The following PEX1 variants were observed in gnomAD, a reference collection of about 807,000 sequenced individuals.
PEX1 encodes the protein peroxisomal biogenesis factor 1, also known as peroxisomal ATPase PEX1.
In PEX1, 97 loss-of-function variants were observed where a neutral mutation model predicts 152.5. That is an observed-to-expected ratio of 0.64 (90% CI 0.54 to 0.75). PEX1 has a LOEUF of 0.75. PEX1 is among the 30% of genes least tolerant of loss of function. The pLI is 0.00. For missense variants in PEX1, 1,357 were observed against 1,516.3 expected (o/e 0.89, Z 1.74); for synonymous variants, 485 against 531.6 (o/e 0.91, Z 1.21).
chr7:92,516,035 AGAGAAGAGAAGAGAAGAGAAAAAAG>A (rs1792731483), intron 5 of PEX1, among the ~76,000 whole-genome samples: 3 of 108,232 alleles, frequency 2.8e-5, no homozygotes, highest in South Asian at 3.5e-4. Flanking sequence ...AGAGAAGAGA[AGAGAAGAGAAGAGAAGAGAAAAAAG>A]AAAAGAAAAG....
intron 5 of PEX1, among the ~76,000 whole-genome samples, chr7:92,516,055 A>AGAGAAGAGAAAAAAGAAAAGAAAAG (rs1321793051): frequency 1.9e-4 from 16 of 85,786 alleles, no homozygotes; most frequent in African/African-American, 3.6e-4. Context: ...AGAGAAGAGA[A>AGAGAAGAGAAAAAAGAAAAGAAAAG]AAAAGAAAAG....
chr7:92,518,049 A>G lies in PEX1; in HGVS notation c.473-7T>C, dbSNP rs1792881897. 1.2e-6 allele frequency: 2 copies of G among 1,614,168 alleles called. No homozygotes were observed. The highest frequency in any genetic ancestry group is 1.7e-6 in the Non-Finnish European group (2 of 1,179,988). On this transcript the variant is annotated splice_polypyrimidine_tract_variant and splice_region_variant and intron_variant, in intron 4 of 23. Coordinates refer to ENST00000248633, the MANE Select transcript of PEX1 (RefSeq NM_000466.3). ...GCAGCTGGTATTAGTGCAACTGTGT[A>G]GAAAATAAAGCTCATTAGTGCACAT... is the stretch of plus-strand genomic sequence containing the variant.
intron 6 of PEX1, 99 bp from the exon 7 acceptor site, chr7:92,511,802 G>A: frequency 1.8e-6 from 2 of 1,115,744 alleles, no homozygotes; most frequent in Admixed American, 2.0e-5. Context: ...GTGTAAGCCT[G>A]ACCAAACAAA....
Position 92,522,113 on chromosome 7 carries a change from T to G in PEX1, c.262A>C (p.Asn88His), listed in dbSNP as rs1793075389. Residue 88 changes from asparagine (N) to histidine (H), a missense_variant, in exon 2 of 24, where the codon AAT (asparagine) becomes CAT (histidine). By Grantham distance (68) the Asn-to-His change is moderately conservative. Coordinates refer to ENST00000248633, the MANE Select transcript of PEX1 (RefSeq NM_000466.3). ...RQVGQKLGLS[N>H]GGQVFLKPCS... is the part of the protein sequence containing the mutation. ...TCACATGTGCTTACCTGTCCCCCAT[T>G]TGAGAGTCCAAGTTTTTGACCAACT... The G allele has an allele frequency of 6.2e-7, 1 of 1,613,942 alleles. No individual in the cohort carries two copies. Among genetic ancestry groups the G allele is most frequent in the Non-Finnish European group, 8.5e-7 (1 of 1,179,972 alleles).
rs1792339585 is a variant in PEX1, at chr7:92,509,238, T to A, written c.1670+91A>T. ...GCATTATTAAGATCACTTATTGACA[T>A]TAACATCTACTTTAATATTTACATT... On this transcript the variant is annotated intron_variant, in intron 9 of 23. Coordinates refer to ENST00000248633, the MANE Select transcript of PEX1 (RefSeq NM_000466.3). The A allele has an allele frequency of 7.0e-6, 6 of 853,572 alleles. No homozygotes were observed. In the South Asian group the frequency reaches 8.2e-5, roughly 12 times the overall value. 52.9% of individuals were successfully genotyped at this position (853,572 alleles called of 1,614,324 possible).
rs1434224447 is a variant in PEX1, at chr7:92,518,216, G to T, written c.397C>A (p.Gln133Lys). The change falls in exon 4 of 24, where the codon CAA (glutamine) becomes AAA (lysine). Residue 133 changes from glutamine to lysine, a missense_variant. Transcript: ENST00000248633. ...GCTTTTGGAAAAACTATTCGAATTT[G>T]ATCTAGAAGATGTTGTTCAAGGGAA... Reference protein sequence around the residue: ...AVSLEQHLLDQIRIVFPKAIF... With the variant: ...AVSLEQHLLDKIRIVFPKAIF... 4 of 1,613,124 alleles carry T rather than the reference G, an allele frequency of 2.5e-6. No individual in the cohort carries two copies. Among genetic ancestry groups the T allele is most frequent in the South Asian group, 2.2e-5 (2 of 91,004 alleles).
At chr7:92,501,447 G>C in intron 15 of PEX1, 60 bp downstream of exon 15, 3 of 1,414,970 alleles carry the variant, frequency 2.1e-6, no homozygotes, top group Admixed American at 1.7e-5. Flanking sequence ...TAAAGCCAAA[G>C]CCAATAATAC....
At chr7:92,506,890 G>GGGTAT in intron 10 of PEX1, 104 bp downstream of exon 10, 2 of 1,108,632 alleles carry the variant, frequency 1.8e-6, no homozygotes, top group Non-Finnish European at 2.8e-6. Context: ...CTATATAATA[G>GGGTAT]ATGGTCAAAA....
chr7:92,489,041 A>C (rs1423312452), intron 23 of PEX1, among the ~76,000 whole-genome samples: 1 of 152,160 alleles, frequency 6.6e-6, no homozygotes. Context: ...GCCCAAAGTT[A>C]CTAAAATTAA....
Position 92,494,050 on chromosome 7 carries a change from C to T in PEX1, c.3030+243G>A, listed in dbSNP as rs183306624. ...AAAATATAATACATTAGGTTTCTTG[C>T]ATTTTTTTTTCCCCAATCAGCCAAC... On this transcript the variant is annotated intron_variant, in intron 19 of 23. Transcript: ENST00000248633. 298 of 464,304 alleles carry T rather than the reference C, an allele frequency of 6.4e-4. 1 individual carries two copies. Among genetic ancestry groups the T allele is most frequent in the African/African-American group, 5.1e-3 (260 of 50,854 alleles). 28.8% of individuals were successfully genotyped at this position (464,304 alleles called of 1,614,324 possible). A position where few individuals can be genotyped will look rare whatever the true frequency, so the allele number is the denominator to read the frequency against.
Position 92,518,175 on chromosome 7 carries a change from C to A in PEX1, c.438G>T (p.Trp146Cys). ...TAAATATGTACGTTTGTTGATCAAC[C>A]CAAACAGGAAAAATGGCTTTTGGAA... Reference protein sequence around the residue: ...IVFPKAIFPVWVDQQTYIFIQ... With the variant: ...IVFPKAIFPVCVDQQTYIFIQ... Residue 146 changes from tryptophan (W) to cysteine (C), a missense_variant, in exon 4 of 24, where the codon TGG becomes TGT. Trp to Cys is a radical substitution (Grantham distance 215). Transcript: ENST00000248633. The A allele has an allele frequency of 6.2e-7, 1 of 1,613,036 alleles. No individual in the cohort carries two copies. Among genetic ancestry groups the A allele is most frequent in the Non-Finnish European group, 8.5e-7 (1 of 1,179,158 alleles).
chr7:92,497,591 A>C (rs1006754804), intron 16 of PEX1, among the ~76,000 whole-genome samples: 10 of 152,234 alleles, frequency 6.6e-5, no homozygotes, highest in Non-Finnish European at 1.5e-4. Flanking sequence ...AAACCTGAAT[A>C]GGTCCTAAAG....
At chr7:92,506,531 C>G (rs1489441208) in intron 10 of PEX1, 187 bp from the exon 11 acceptor site, 1 of 591,352 alleles carries the variant, frequency 1.7e-6, no homozygotes, top group African/African-American at 1.9e-5. Flanking sequence ...CAAAACCAGA[C>G]AAAGACAACA....
intron 11 of PEX1, among the ~76,000 whole-genome samples, 154 bp from the exon 12 acceptor site, chr7:92,505,056 A>G (rs1267425874): frequency 2.0e-5 from 3 of 152,222 alleles, no homozygotes; most frequent in African/African-American, 7.2e-5. Flanking sequence ...AAACTTGTTC[A>G]TCAACATGGT....
Position 92,506,939 on chromosome 7 carries a change from A to G in PEX1, c.1803+55T>C. The G allele has an allele frequency of 3.8e-6, 6 of 1,588,666 alleles. No individual in the cohort carries two copies. The Admixed American group carries it at 1.0e-4, about 26-fold the overall frequency. On this transcript the variant is annotated intron_variant, in intron 10 of 23. Coordinates refer to ENST00000248633, the MANE Select transcript of PEX1 (RefSeq NM_000466.3). ...ATAGATGGTCAAAACCCAAAGAAAG[A>G]TAAATGAAAAGTTATTAAATGTTAC...
intron 5 of PEX1, among the ~76,000 whole-genome samples, chr7:92,514,875 C>T (rs781368832): frequency 8.6e-5 from 13 of 151,810 alleles, no homozygotes; most frequent in Non-Finnish European, 1.9e-4. Flanking sequence ...TATGGTGAAA[C>T]CTCGTCTCTA....
chr7:92,504,350 C>T (rs1220212232), intron 12 of PEX1, among the ~76,000 whole-genome samples: 1 of 152,060 alleles, frequency 6.6e-6, no homozygotes, highest in Non-Finnish European at 1.5e-5. Flanking sequence ...ACACAGTAGC[C>T]ATCATTATTA....
chr7:92,496,446 C>T (rs528308362), intron 17 of PEX1, among the ~76,000 whole-genome samples: 18 of 152,198 alleles, frequency 1.2e-4, no homozygotes, highest in African/African-American at 4.1e-4. Context: ...TAAGAATCTA[C>T]TCTGAGATTT....
rs753699011 is a variant in PEX1, at chr7:92,491,427, C to G, written c.3283G>C (p.Asp1095His). 1.2e-6 allele frequency: 2 copies of G among 1,613,704 alleles called. No homozygotes were observed. The highest frequency in any genetic ancestry group is 2.7e-5 in the African/African-American group (2 of 74,900). ...CCACATTCTCCATCTCCAGCTGAAT[C>G]GTCAGAGCCACTGCTATGGTTAAGA... is the stretch of plus-strand genomic sequence containing the variant. The part of the protein sequence containing the change: ...VFLNHSSGSD[D>H]SAGDGECGLD... The change falls in exon 21 of 24, where the codon GAT becomes CAT. Residue 1095 changes from aspartate to histidine, a missense_variant. Asp to His is a moderately conservative substitution (Grantham distance 81). Transcript: ENST00000248633.
Sources: allele counts gnomAD v4.1 joint callset (sites outside exome capture counted in the v4.1 genomes callset), GRCh38; gene constraint gnomAD v4.1.1; transcripts MANE v1.5; gene names NCBI Gene and HGNC (gene_info 2026-07-23, HGNC 2026-07-21).